PTPRT: variants seen among roughly 807,000 people sequenced by gnomAD.
PTPRT encodes the protein receptor-type tyrosine-protein phosphatase T.
Under a neutral mutation model 176.8 loss-of-function variants are expected in PTPRT, and 56 were observed. The observed-to-expected ratio is 0.32, with a 90% CI of 0.26 to 0.40. PTPRT has a LOEUF of 0.40. Among genes scored for constraint, PTPRT ranks in the 10% least tolerant of loss-of-function variants. The pLI, the probability that PTPRT is intolerant of heterozygous loss-of-function variation, is 1.00. For synonymous variants in PTPRT, 783 were observed against 739.0 expected, an observed-to-expected ratio of 1.06 and a Z score of -0.96; for missense variants, 1,540 against 1,908.2, an observed-to-expected ratio of 0.81 and a Z score of 3.60.
At chr20:43,166,302 C>T (rs1180135754) in intron 1 of PTPRT, among the ~76,000 whole-genome samples, 5 of 151,034 alleles carry the variant, frequency 3.3e-5, no homozygotes, top group African/African-American at 7.3e-5. Flanking sequence ...ACTCCAACCC[C>T]GGGCGACAGA....
intron 1 of PTPRT, among the ~76,000 whole-genome samples, chr20:43,047,587 T>C (rs1356904835): frequency 6.6e-6 from 1 of 152,200 alleles, no homozygotes; most frequent in East Asian, 1.9e-4. Context: ...AAGTAGGAAT[T>C]CAACAAAATA....
intron 15 of PTPRT, among the ~76,000 whole-genome samples, chr20:42,216,984 T>C (rs947252351): frequency 2.0e-5 from 3 of 152,188 alleles, no homozygotes; most frequent in Admixed American, 1.3e-4. Flanking sequence ...CTAGGTTCTA[T>C]ATTTTGAGAA....
At chr20:42,899,223 G>A (rs958153036) in intron 1 of PTPRT, among the ~76,000 whole-genome samples, 2 of 152,216 alleles carry the variant, frequency 1.3e-5, no homozygotes, top group Non-Finnish European at 1.5e-5. Flanking sequence ...TATTTTGAGG[G>A]AGCAGCGAAA....
intron 7 of PTPRT, among the ~76,000 whole-genome samples, chr20:42,477,048 G>A (rs1260173159): frequency 6.6e-6 from 1 of 152,210 alleles, no homozygotes; most frequent in Non-Finnish European, 1.5e-5. Flanking sequence ...ATATAAGTGT[G>A]CAGCGACCTC....
At chr20:42,045,516 G>A in the PTPRT span, among the ~76,000 whole-genome samples, 74 of 151,564 alleles carry the variant, frequency 4.9e-4, no homozygotes, top group African/African-American at 1.7e-3. Flanking sequence ...TATTCACCAA[G>A]CGAGAGGCTT....
chr20:42,488,732 A>C (rs2071505935), intron 7 of PTPRT, among the ~76,000 whole-genome samples: 1 of 152,146 alleles, frequency 6.6e-6, no homozygotes, highest in African/African-American at 2.4e-5. Flanking sequence ...TGGGAGGCCG[A>C]GGCGGGTGGA....
At chr20:42,697,311 A>T (rs1215551888) in intron 6 of PTPRT, among the ~76,000 whole-genome samples, 1 of 152,226 alleles carries the variant, frequency 6.6e-6, no homozygotes, top group Non-Finnish European at 1.5e-5. Context: ...CTGTCAAAGG[A>T]GGCATTTTAA....
intron 7 of PTPRT, among the ~76,000 whole-genome samples, chr20:42,584,242 A>G (rs1409238210): frequency 6.6e-6 from 1 of 152,150 alleles, no homozygotes; most frequent in Non-Finnish European, 1.5e-5. Flanking sequence ...AGTCTTCTCA[A>G]TGCTGCCACA....
intron 7 of PTPRT, 83 bp from the exon 8 acceptor site, chr20:42,472,645 A>G: frequency 7.2e-7 from 1 of 1,392,970 alleles, no homozygotes. Flanking sequence ...AACAGGGAAC[A>G]CAGCTTTTCC....
intron 7 of PTPRT, among the ~76,000 whole-genome samples, chr20:42,529,775 C>T (rs886523285): frequency 6.7e-6 from 1 of 150,352 alleles, no homozygotes; most frequent in Non-Finnish European, 1.5e-5. Flanking sequence ...GGGTGAGCCA[C>T]TACGCCTGGC....
At chr20:43,010,806 C>T (rs553498009) in intron 1 of PTPRT, among the ~76,000 whole-genome samples, 1 of 151,946 alleles carries the variant, frequency 6.6e-6, no homozygotes, top group African/African-American at 2.4e-5. Flanking sequence ...AGGTTCTTCA[C>T]GTATCAAGGA....
At chr20:42,542,618 T>C (rs1235885913) in intron 7 of PTPRT, among the ~76,000 whole-genome samples, 2 of 152,200 alleles carry the variant, frequency 1.3e-5, no homozygotes, top group Admixed American at 6.5e-5. Flanking sequence ...AACAAATCTA[T>C]GGAAATTACA....
chr20:42,814,333 G>A (rs185120849), intron 2 of PTPRT, among the ~76,000 whole-genome samples: 1 of 152,068 alleles, frequency 6.6e-6, no homozygotes, highest in African/African-American at 2.4e-5. Context: ...TTCAGTTTCT[G>A]TCAGTGATCT....
At chr20:42,849,209 G>A (rs1028581441) in intron 2 of PTPRT, among the ~76,000 whole-genome samples, 18 of 152,064 alleles carry the variant, frequency 1.2e-4, no homozygotes, top group African/African-American at 3.9e-4. Flanking sequence ...GAGGAAACAG[G>A]GGTCTTTCTG....
chr20:42,142,355 A>G (rs1988668568), intron 17 of PTPRT, among the ~76,000 whole-genome samples: 1 of 152,230 alleles, frequency 6.6e-6, no homozygotes, highest in South Asian at 2.1e-4. Context: ...ATAGAGAAAC[A>G]GACAAGTTCC....
In PTPRT at chr20:42,110,321, C is replaced by T. The variant is rs201539087; in HGVS notation, c.3254+12G>A. ...CGCCTCGGCCTCCCAAGGTGAAGGACCTTTGACTTACCTGCAGTGGACCAC... is the reference window on the plus strand; with the variant it reads ...CGCCTCGGCCTCCCAAGGTGAAGGATCTTTGACTTACCTGCAGTGGACCAC... On this transcript the variant is annotated intron_variant, in intron 23 of 30. Transcript: ENST00000373187. 15 of 1,598,492 alleles carry T rather than the reference C, an allele frequency of 9.4e-6. No individual in the cohort carries two copies. In the African/African-American group the frequency reaches 1.1e-4, roughly 11 times the overall value.
At chr20:42,110,843 T>TAAAG (rs568820792) in intron 22 of PTPRT, among the ~76,000 whole-genome samples, 407 of 152,282 alleles carry the variant, frequency 2.7e-3, no homozygotes, top group Admixed American at 6.3e-3. Context: ...AGTACGGATT[T>TAAAG]AAAGAAATGT....
intron 9 of PTPRT, among the ~76,000 whole-genome samples, chr20:42,384,510 A>T (rs2058725100): frequency 6.6e-6 from 1 of 152,208 alleles, no homozygotes; most frequent in African/African-American, 2.4e-5. Flanking sequence ...TTCATTCACC[A>T]GTGGGCATTT....
intron 1 of PTPRT, among the ~76,000 whole-genome samples, chr20:43,134,225 G>A (rs1056123983): frequency 6.6e-6 from 1 of 152,332 alleles, no homozygotes. Context: ...TTATTTAGAA[G>A]TGAAAAGACA....
Sources: allele counts gnomAD v4.1 joint callset (sites outside exome capture counted in the v4.1 genomes callset), GRCh38; gene constraint gnomAD v4.1.1; transcripts MANE v1.5; gene names NCBI Gene and HGNC (gene_info 2026-07-23, HGNC 2026-07-21).